RAB36: variants seen among roughly 807,000 people sequenced by gnomAD.
The protein encoded by RAB36 is ras-related protein Rab-36.
RAB36 carries 33 observed loss-of-function variants against 39.3 expected under a neutral mutation model. That is an observed-to-expected ratio of 0.84 (90% CI 0.64 to 1.12). The LOEUF is 1.12. Among genes scored for constraint, RAB36 ranks in the 50% most tolerant of loss-of-function variants. The probability of loss-of-function intolerance (pLI) is 0.00; values close to 1 mark genes in which losing one functional copy is unlikely to be tolerated. For missense variants in RAB36, 308 were observed against 355.3 expected, an observed-to-expected ratio of 0.87 and a Z score of 1.07; for synonymous variants, 133 against 140.2, an observed-to-expected ratio of 0.95 and a Z score of 0.36.
downstream of RAB36, among the ~76,000 whole-genome samples, chr22:23,166,147 T>TTAA (rs2072046780): frequency 1.7e-5 from 1 of 59,888 alleles, no homozygotes; most frequent in African/African-American, 7.1e-5. Flanking sequence ...CTCTGTCTTT[T>TTAA]AAAAAAAAAA....
chr22:23,168,499 C>T (rs369116059), downstream of RAB36, among the ~76,000 whole-genome samples: 573 of 106,218 alleles, frequency 5.4e-3, 6 homozygotes, highest in African/African-American at 0.021. Flanking sequence ...CTCCCCGCCA[C>T]ACACACACAC....
In RAB36 at chr22:23,161,765, G is replaced by A. The variant is rs922352967; in HGVS notation, c.*201G>A. 2 of 565,394 alleles carry A rather than the reference G, an allele frequency of 3.5e-6. No individual in the cohort carries two copies. The highest frequency in any genetic ancestry group is 6.3e-6 in the Non-Finnish European group (2 of 317,402). The allele number at this position is 565,394 out of a possible 1,614,324, so 35.0% of individuals were successfully genotyped here. A position where few individuals can be genotyped will look rare whatever the true frequency, so the allele number is the denominator to read the frequency against. ...CGTTGCAGGTTGGGCACTAGAAAAG[G>A]CCCCCACTGGCTGCCTGGGAGCCCC... On this transcript the variant is annotated 3_prime_UTR_variant, in exon 11 of 11. Transcript: ENST00000263116.
chr22:23,150,543 A>C (rs1270262028), intron 3 of RAB36, among the ~76,000 whole-genome samples: 1 of 151,822 alleles, frequency 6.6e-6, no homozygotes, highest in Non-Finnish European at 1.5e-5. Context: ...CCTCGTGATC[A>C]GCCTGCCTCG....
At chr22:23,148,619 T>G (rs986005062) in intron 2 of RAB36, among the ~76,000 whole-genome samples, 1 of 152,228 alleles carries the variant, frequency 6.6e-6, no homozygotes, top group Non-Finnish European at 1.5e-5. Flanking sequence ...AAGTTCATCC[T>G]GCACCCCAGG....
rs770085594 is a variant in RAB36 at position 23,158,915 on chromosome 22, C to T, written c.464C>T (p.Ala155Val). 4.3e-6 allele frequency: 7 copies of T among 1,614,160 alleles called. No homozygotes were observed. Among genetic ancestry groups the T allele is most frequent in the Non-Finnish European group, 5.1e-6 (6 of 1,179,988 alleles). Residue 155 changes from alanine to valine, a missense_variant, in exon 8 of 11, where the codon GCT becomes GTT. Physicochemically the swap from Ala to Val is moderately conservative, Grantham distance 64. Coordinates refer to ENST00000263116, the MANE Select transcript of RAB36 (RefSeq NM_004914.5). ...LEHTRQWLED[A>V]LRENEAGSCF... is the part of the protein sequence containing the mutation. ...CACTCCAGGCAGTGGTTGGAGGATG[C>T]TCTGAGGGAGAACGAGGCAGGCTCC...
downstream of RAB36, among the ~76,000 whole-genome samples, chr22:23,168,111 C>T (rs867067857): frequency 4.6e-5 from 7 of 152,306 alleles, no homozygotes; most frequent in Middle Eastern, 3.4e-3. Context: ...CTGGAGCCCC[C>T]TTTCTGGCCC....
chr22:23,157,370 C>T (rs1373318944), intron 6 of RAB36, among the ~76,000 whole-genome samples: 4 of 152,122 alleles, frequency 2.6e-5, no homozygotes, highest in Non-Finnish European at 5.9e-5. Context: ...CCTCCCTCAG[C>T]CTCCCGAGTA....
chr22:23,150,510 C>T (rs1373693475), intron 3 of RAB36, among the ~76,000 whole-genome samples: 1 of 151,880 alleles, frequency 6.6e-6, no homozygotes, highest in East Asian at 1.9e-4. Context: ...ACCATGTTAG[C>T]CAGGATGGTC....
At chr22:23,147,257 C>A (rs1401162502) in intron 2 of RAB36, among the ~76,000 whole-genome samples, 1 of 152,154 alleles carries the variant, frequency 6.6e-6, no homozygotes, top group Non-Finnish European at 1.5e-5. Context: ...TTGAGTACAA[C>A]CTCCATAGGG....
intron 4 of RAB36, 125 bp downstream of exon 4, chr22:23,152,651 C>A: frequency 1.1e-6 from 1 of 922,038 alleles, no homozygotes; most frequent in Non-Finnish European, 1.7e-6. Context: ...TGCTGTGCCT[C>A]AGCCTGCTGG....
At chr22:23,158,177 T>G in intron 7 of RAB36, 134 bp downstream of exon 7, 1 of 1,508,782 alleles carries the variant, frequency 6.6e-7, no homozygotes, top group Non-Finnish European at 8.8e-7. Context: ...CAGAACCAGC[T>G]GCCCACGGAC....
Position 23,159,200 on chromosome 22 carries a change from TGCACCTG to T in RAB36, c.569_575del (p.His190ProfsTer19). On this transcript the variant is annotated frameshift_variant, in exon 9 of 11. Transcript: ENST00000263116. LOFTEE classifies it high-confidence loss of function. ...TGTGAGCAGGCCGAAGCAGACGCTG[TGCACCTG>T]GCCAGGGAGATGCAGGCCGAGTACT... 6.2e-7 allele frequency: 1 copy of T among 1,610,390 alleles called. No homozygotes were observed. Among genetic ancestry groups the T allele is most frequent in the Non-Finnish European group, 8.5e-7 (1 of 1,178,702 alleles).
At position 23,158,739 on chromosome 22, in the gene RAB36, G is replaced by A. The variant is rs1317670383; in HGVS notation, c.447-159G>A. ...GGGTCCAGCCAACGCCCTTCCGGCT[G>A]GAGGTGCAGCATCCTGCTCAGCCAG... is the stretch of plus-strand genomic sequence containing the variant. On this transcript the variant is annotated intron_variant, in intron 7 of 10. Coordinates refer to ENST00000263116, the MANE Select transcript of RAB36 (RefSeq NM_004914.5). Among the ~76,000 whole-genome samples, 3 of 152,218 alleles carry A rather than the reference G, an allele frequency of 2.0e-5. No homozygotes were observed. In the East Asian group the frequency reaches 5.8e-4, roughly 29 times the overall value.
rs745518241 is a variant in RAB36 at position 23,159,249 on chromosome 22, G to T, written c.615G>T (p.Lys205Asn). ...CCGAGTACTGGTCAGTGTCGGCCAA[G>T]ACTGGTGAGTGGGCCAGGGCTGTCA... The part of the protein sequence containing the change: ...MQAEYWSVSA[K>N]TGENVKAFFS... Residue 205 changes from lysine to asparagine, a missense_variant, in exon 9 of 11, where the codon AAG (lysine) becomes AAT (asparagine). Lys to Asn is a moderately conservative substitution (Grantham distance 94). Coordinates refer to ENST00000263116, the MANE Select transcript of RAB36 (RefSeq NM_004914.5). 31 of 1,589,300 alleles carry T rather than the reference G, an allele frequency of 2.0e-5. No individual in the cohort carries two copies. The highest frequency in any genetic ancestry group is 2.6e-5 in the Non-Finnish European group (30 of 1,168,332).
downstream of RAB36, among the ~76,000 whole-genome samples, chr22:23,167,711 ATTTT>A (rs528853125): frequency 6.3e-3 from 911 of 145,756 alleles, 4 homozygotes; most frequent in Middle Eastern, 0.021. Context: ...TAATTAATTT[ATTTT>A]TTTTTTTAAG....
chr22:23,153,275 G>A, intron 5 of RAB36, 141 bp downstream of exon 5: 1 of 686,386 alleles, frequency 1.5e-6, no homozygotes, highest in South Asian at 1.8e-5. Flanking sequence ...GTGACACTTA[G>A]CTTCCTGGCT....
rs1569215942 is a variant in RAB36 at position 23,158,956 on chromosome 22, G to A, written c.505G>A (p.Val169Met). 1.9e-6 allele frequency: 3 copies of A among 1,614,200 alleles called. No individual in the cohort carries two copies. Among genetic ancestry groups the A allele is most frequent in the Non-Finnish European group, 2.5e-6 (3 of 1,180,014 alleles). ...NEAGSCFIFL[V>M]GTKKDLLSGA... ...GGCAGGCTCCTGCTTCATCTTCCTC[G>A]TGGGAACCAAGAAGGACCTTCTGGT... Residue 169 changes from valine (V) to methionine (M), a missense_variant, in exon 8 of 11, where the codon GTG (valine) becomes ATG (methionine). Transcript: ENST00000263116.
chr22:23,160,114 T>C (rs1215184701), intron 9 of RAB36, among the ~76,000 whole-genome samples: 1 of 152,144 alleles, frequency 6.6e-6, no homozygotes, highest in East Asian at 1.9e-4. Flanking sequence ...TTACCCTGTG[T>C]AAGAGGGGAC....
At chr22:23,159,280 G>A (rs1367935543) in intron 9 of RAB36, 27 bp downstream of exon 9, 2 of 1,554,992 alleles carry the variant, frequency 1.3e-6, no homozygotes, top group Non-Finnish European at 1.7e-6. Context: ...TGTCACCATG[G>A]TGGGGCAGAG....
Sources: allele counts gnomAD v4.1 joint callset (sites outside exome capture counted in the v4.1 genomes callset), GRCh38; gene constraint gnomAD v4.1.1; transcripts MANE v1.5; gene names NCBI Gene and HGNC (gene_info 2026-07-23, HGNC 2026-07-21).